Variants in UVRAG observed in about 807,000 individuals in gnomAD.
UVRAG encodes the protein UV radiation resistance associated.
A neutral mutation model predicts 78.0 loss-of-function variants in UVRAG; 19 were observed. That is an observed-to-expected ratio of 0.24 (90% CI 0.17 to 0.36). UVRAG has a LOEUF of 0.36. UVRAG is among the 10% of genes least tolerant of loss of function. The probability of loss-of-function intolerance (pLI) is 1.00; values close to 1 mark genes in which losing one functional copy is unlikely to be tolerated. For missense variants in UVRAG, 740 were observed against 853.8 expected (o/e 0.87, Z 1.66); for synonymous variants, 323 against 324.6 (o/e 1.00, Z 0.05).
chr11:75,981,174 T>C (rs1352760569), intron 7 of UVRAG, among the ~76,000 whole-genome samples: 2 of 152,044 alleles, frequency 1.3e-5, no homozygotes, highest in South Asian at 2.1e-4. Context: ...TGTAGTGGCA[T>C]GATCTTGGCT....
intron 12 of UVRAG, among the ~76,000 whole-genome samples, chr11:76,038,462 A>G (rs1310084752): frequency 6.6e-6 from 1 of 152,192 alleles, no homozygotes; most frequent in East Asian, 1.9e-4. Context: ...ATTTAGAGAT[A>G]ATTTGAAGTA....
chr11:75,920,970 T>C (rs1162359588), intron 6 of UVRAG, among the ~76,000 whole-genome samples: 1 of 152,228 alleles, frequency 6.6e-6, no homozygotes, highest in East Asian at 1.9e-4. Flanking sequence ...GCATTTAATA[T>C]AATATTTACT....
intron 3 of UVRAG, among the ~76,000 whole-genome samples, chr11:75,862,091 AAAAT>A (rs1252343581): frequency 6.6e-6 from 1 of 152,178 alleles, no homozygotes; most frequent in Admixed American, 6.5e-5. Context: ...TAATAATAAT[AAAAT>A]AAAAAAAGAA....
At chr11:76,091,837 GT>G (rs112183787) in intron 13 of UVRAG, among the ~76,000 whole-genome samples, 4 of 146,582 alleles carry the variant, frequency 2.7e-5, no homozygotes, top group Non-Finnish European at 4.5e-5. Context: ...TTGTATATTT[GT>G]TTTTTTTTTA....
chr11:75,884,288 A>T (rs1186637280), intron 4 of UVRAG, among the ~76,000 whole-genome samples: 1 of 145,294 alleles, frequency 6.9e-6, no homozygotes, highest in Non-Finnish European at 1.5e-5. Flanking sequence ...GCTCATTTTT[A>T]ATTGGGTTGT....
chr11:76,054,495 G>A (rs1950939594), intron 12 of UVRAG, among the ~76,000 whole-genome samples: 1 of 152,144 alleles, frequency 6.6e-6, no homozygotes, highest in African/African-American at 2.4e-5. Context: ...GTGACCTCCA[G>A]GACCCTGCAT....
intron 6 of UVRAG, among the ~76,000 whole-genome samples, chr11:75,949,714 T>TACACACACAC (rs1555093473): frequency 1.9e-4 from 26 of 136,874 alleles, no homozygotes; most frequent in African/African-American, 7.5e-4. Flanking sequence ...TATATATATA[T>TACACACACAC]ACACACACAC....
chr11:76,111,027 C>T (rs111627503), intron 13 of UVRAG, among the ~76,000 whole-genome samples: 19,003 of 151,794 alleles, frequency 0.13, 3,025 homozygotes, highest in African/African-American at 0.37. Flanking sequence ...CTAATTTTTG[C>T]ATTTTTAGTA....
At chr11:76,054,616 C>T (rs185272084) in intron 12 of UVRAG, among the ~76,000 whole-genome samples, 12 of 152,308 alleles carry the variant, frequency 7.9e-5, no homozygotes, top group Admixed American at 5.2e-4. Flanking sequence ...ACCAGGCATT[C>T]CTGTCTCAAG....
intron 13 of UVRAG, among the ~76,000 whole-genome samples, chr11:76,098,578 A>T (rs1951827091): frequency 6.6e-6 from 1 of 152,216 alleles, no homozygotes; most frequent in South Asian, 2.1e-4. Context: ...TGGCAGTTTG[A>T]AGATAGAAGA....
chr11:75,815,464 C>T lies in UVRAG; in HGVS notation c.57C>T (p.Ala19=), dbSNP rs1360637296. ...GPVPQPPPGP[A]AALPPGSAAR... is the part of the protein sequence containing the mutation. ...TCCCCCAGCCACCCCCGGGCCCGGC[C>T]GCTGCTCTGCCTCCCGGTTCTGCCG... The change falls in exon 1 of 15, where the codon GCC becomes GCT. Residue 19 remains alanine, a synonymous_variant. Transcript: ENST00000356136. The T allele has an allele frequency of 3.2e-6, 4 of 1,247,286 alleles. No individual in the cohort carries two copies. Among genetic ancestry groups the T allele is most frequent in the Admixed American group, 4.2e-5 (1 of 23,872 alleles). 77.3% of individuals were successfully genotyped at this position (1,247,286 alleles called of 1,614,324 possible).
At chr11:76,049,200 G>A (rs1022955730) in intron 12 of UVRAG, among the ~76,000 whole-genome samples, 2 of 152,152 alleles carry the variant, frequency 1.3e-5, no homozygotes, top group Non-Finnish European at 2.9e-5. Flanking sequence ...CACCCACTCC[G>A]CTCAGCCCTC....
chr11:75,827,485 C>T (rs1231050843), intron 1 of UVRAG, among the ~76,000 whole-genome samples: 1 of 152,038 alleles, frequency 6.6e-6, no homozygotes, highest in African/African-American at 2.4e-5. Context: ...GTGGCGGGCA[C>T]CTGTAATCCC....
Position 76,142,529 on chromosome 11 carries a change from A to G in UVRAG, c.*1116A>G, listed in dbSNP as rs1006865554. The G allele has an allele frequency of 6.6e-6, 1 of 152,614 alleles. No homozygotes were observed. Among genetic ancestry groups the G allele is most frequent in the African/African-American group, 2.4e-5 (1 of 41,448 alleles). The allele number at this position is 152,614 out of a possible 1,614,324, so 9.5% of individuals were successfully genotyped here. A position where few individuals can be genotyped will look rare whatever the true frequency, so the allele number is the denominator to read the frequency against. On this transcript the variant is annotated 3_prime_UTR_variant, in exon 15 of 15. Transcript: ENST00000356136. The stretch of plus-strand genomic sequence containing the variant: ...GTTGTCATTCCCGCATTCAGATTTC[A>G]TTTGCTGTTGCTTTATACGTTACGT...
intron 1 of UVRAG, among the ~76,000 whole-genome samples, chr11:75,817,782 A>G (rs1453161390): frequency 6.6e-6 from 1 of 151,716 alleles, no homozygotes; most frequent in African/African-American, 2.4e-5. Context: ...AGTGGCTCAC[A>G]CCTGTAATCC....
At chr11:75,815,788 T>A (rs901365254) in intron 1 of UVRAG, among the ~76,000 whole-genome samples, 8 of 152,034 alleles carry the variant, frequency 5.3e-5, no homozygotes, top group African/African-American at 1.7e-4. Flanking sequence ...CTCAAGTCCC[T>A]GGGGCCCCGG....
chr11:76,044,677 G>A (rs1007974220), intron 12 of UVRAG, among the ~76,000 whole-genome samples: 1 of 152,198 alleles, frequency 6.6e-6, no homozygotes, highest in Non-Finnish European at 1.5e-5. Flanking sequence ...GGGAGGCTGA[G>A]GCAGGAGAAT....
intron 13 of UVRAG, among the ~76,000 whole-genome samples, chr11:76,096,999 C>A (rs1951795495): frequency 6.6e-6 from 1 of 151,280 alleles, no homozygotes. Flanking sequence ...TTTCCTTCTC[C>A]TTCCCTTAAC....
intron 6 of UVRAG, among the ~76,000 whole-genome samples, chr11:75,945,888 T>G (rs987753961): frequency 3.9e-5 from 6 of 152,136 alleles, no homozygotes; most frequent in African/African-American, 1.4e-4. Flanking sequence ...TGGCTCAGTG[T>G]TTACCCCCTC....
Sources: gnomAD v4.1 joint callset for allele counts (sites outside exome capture counted in the v4.1 genomes callset) on GRCh38, gnomAD v4.1.1 for gene constraint, MANE v1.5 for transcripts, NCBI Gene and HGNC (gene_info 2026-07-23, HGNC 2026-07-21) for gene names.